The following MTPAP variants were observed in gnomAD, a reference collection of about 807,000 sequenced individuals.
The protein encoded by MTPAP is poly(A) RNA polymerase, mitochondrial.
MTPAP carries 23 observed loss-of-function variants against 48.7 expected under a neutral mutation model. The ratio of observed to expected loss-of-function variants is 0.47; its 90% CI spans 0.34 to 0.67. The LOEUF is 0.67. MTPAP is among the 30% of genes least tolerant of loss of function. MTPAP has a pLI of 0.01. For synonymous variants in MTPAP, 257 were observed against 254.1 expected, an observed-to-expected ratio of 1.01 and a Z score of -0.11; for missense variants, 614 against 694.3, an observed-to-expected ratio of 0.88 and a Z score of 1.30.
At chr10:30,338,922 G>A (rs908807494) in intron 3 of MTPAP, among the ~76,000 whole-genome samples, 3 of 151,980 alleles carry the variant, frequency 2.0e-5, no homozygotes, top group African/African-American at 7.2e-5. Context: ...AGGAGATCGA[G>A]ACCATCCTGG....
In MTPAP at chr10:30,310,101, A is replaced by G. The variant is rs1840573046; in HGVS notation, c.*3508T>C. 6.6e-5 allele frequency: 10 copies of G among 152,358 alleles called. No homozygotes were observed. In the South Asian group the frequency reaches 2.1e-3, roughly 32 times the overall value. 9.4% of individuals were successfully genotyped at this position (152,358 alleles called of 1,614,324 possible). On this transcript the variant is annotated 3_prime_UTR_variant, in exon 9 of 9. Coordinates refer to ENST00000263063, the MANE Select transcript of MTPAP (RefSeq NM_018109.4). ...CTAGTAATAGTTATAGAAGAAAAAA[A>G]CTTGAAAAAAGTTTTACTTAACATT...
At chr10:30,333,053 G>A (rs1031718566) in intron 4 of MTPAP, among the ~76,000 whole-genome samples, 5 of 151,906 alleles carry the variant, frequency 3.3e-5, no homozygotes, top group South Asian at 2.1e-4. Context: ...CCCGGGAGGC[G>A]GAGCTTGCAG....
chr10:30,323,375 C>A (rs1840748287), intron 5 of MTPAP, among the ~76,000 whole-genome samples: 1 of 147,498 alleles, frequency 6.8e-6, no homozygotes, highest in South Asian at 2.1e-4. Context: ...TCACTTGAAC[C>A]CGGGAGGCGG....
At chr10:30,315,812 T>C (rs770940877) in intron 8 of MTPAP, 151 bp downstream of exon 8, 2 of 884,060 alleles carry the variant, frequency 2.3e-6, no homozygotes, top group Non-Finnish European at 3.4e-6. Context: ...TCAAGTCATG[T>C]AACTTCTCTG....
chr10:30,313,241 C>A lies in MTPAP; in HGVS notation c.*368G>T. On this transcript the variant is annotated 3_prime_UTR_variant, in exon 9 of 9. Coordinates refer to ENST00000263063, the MANE Select transcript of MTPAP (RefSeq NM_018109.4). ...AAAGCACATTACAATAATCTTTCACCCATTCCTTGTGGCTTATGTTTATTT... is the reference window on the plus strand; with the variant it reads ...AAAGCACATTACAATAATCTTTCACACATTCCTTGTGGCTTATGTTTATTT... 8.2e-6 allele frequency: 2 copies of A among 244,458 alleles called. No individual in the cohort carries two copies. Among genetic ancestry groups the A allele is most frequent in the Non-Finnish European group, 1.6e-5 (2 of 124,390 alleles). The allele number at this position is 244,458 out of a possible 1,614,324, so 15.1% of individuals were successfully genotyped here. A position where few individuals can be genotyped will look rare whatever the true frequency, so the allele number is the denominator to read the frequency against.
Position 30,309,970 on chromosome 10 carries a change from C to T in MTPAP, c.*3639G>A, listed in dbSNP as rs141224668. 6.6e-6 allele frequency: 1 copy of T among 152,272 alleles called. No individual in the cohort carries two copies. Among genetic ancestry groups the T allele is most frequent in the East Asian group, 1.9e-4 (1 of 5,172 alleles). The allele number at this position is 152,272 out of a possible 1,614,324, so 9.4% of individuals were successfully genotyped here. On this transcript the variant is annotated 3_prime_UTR_variant, in exon 9 of 9. Transcript: ENST00000263063. ...ATGGATAATAGCTCCAGGAATTATACTAGTGGGCTATAGCTGAAATCGTTT... is the reference window on the plus strand; with the variant it reads ...ATGGATAATAGCTCCAGGAATTATATTAGTGGGCTATAGCTGAAATCGTTT...
Position 30,313,440 on chromosome 10 carries a change from T to C in MTPAP, c.*169A>G. ...CCACTGAGTATCAGACTGATCAAACTGAAAACATCCCAGAACTTCAGACCA... is the reference window on the plus strand; with the variant it reads ...CCACTGAGTATCAGACTGATCAAACCGAAAACATCCCAGAACTTCAGACCA... On this transcript the variant is annotated 3_prime_UTR_variant, in exon 9 of 9. Transcript: ENST00000263063. The C allele has an allele frequency of 2.1e-6, 2 of 939,806 alleles. No individual in the cohort carries two copies. The highest frequency in any genetic ancestry group is 3.3e-6 in the Non-Finnish European group (2 of 611,510). 58.2% of individuals were successfully genotyped at this position (939,806 alleles called of 1,614,324 possible). A position where few individuals can be genotyped will look rare whatever the true frequency, so the allele number is the denominator to read the frequency against.
At chr10:30,329,276 T>C (rs1222281105) in intron 4 of MTPAP, among the ~76,000 whole-genome samples, 1 of 151,672 alleles carries the variant, frequency 6.6e-6, no homozygotes, top group African/African-American at 2.4e-5. Context: ...CCACCCAGGC[T>C]GAAGTGCAGT....
chr10:30,346,494 T>C (rs1407201904), intron 1 of MTPAP, among the ~76,000 whole-genome samples: 1 of 152,122 alleles, frequency 6.6e-6, no homozygotes, highest in Non-Finnish European at 1.5e-5. Flanking sequence ...AAACATAATA[T>C]AGCACCTTCT....
intron 1 of MTPAP, among the ~76,000 whole-genome samples, chr10:30,342,200 C>T (rs1378601143): frequency 1.3e-5 from 2 of 152,136 alleles, no homozygotes; most frequent in African/African-American, 4.8e-5. Context: ...TGCACCACTG[C>T]ACTCCATCCT....
At chr10:30,344,914 G>A (rs985441514) in intron 1 of MTPAP, among the ~76,000 whole-genome samples, 1 of 151,988 alleles carries the variant, frequency 6.6e-6, no homozygotes, top group Admixed American at 6.6e-5. Flanking sequence ...ATGTTGGTCC[G>A]GCTGCTCTTG....
chr10:30,332,642 CT>C (rs1834682950), intron 4 of MTPAP, among the ~76,000 whole-genome samples: 1 of 151,986 alleles, frequency 6.6e-6, no homozygotes, highest in Non-Finnish European at 1.5e-5. Context: ...TTTAAAACAT[CT>C]TTTTCTAAAT....
At chr10:30,330,047 G>A (rs1222876511) in intron 4 of MTPAP, among the ~76,000 whole-genome samples, 1 of 151,952 alleles carries the variant, frequency 6.6e-6, no homozygotes, top group Non-Finnish European at 1.5e-5. Flanking sequence ...TATCTCTGGA[G>A]GCAGTGTGAC....
intron 4 of MTPAP, 109 bp from the exon 5 acceptor site, chr10:30,326,744 T>A: frequency 1.2e-6 from 1 of 840,254 alleles, no homozygotes; most frequent in Admixed American, 2.7e-5. Flanking sequence ...CAAAACAAAA[T>A]AAGAAAAAAA....
At chr10:30,327,568 G>A (rs1012206247) in intron 4 of MTPAP, among the ~76,000 whole-genome samples, 1 of 151,062 alleles carries the variant, frequency 6.6e-6, no homozygotes, top group Non-Finnish European at 1.5e-5. Flanking sequence ...TAAATTCCCT[G>A]AGCATGGTGG....
chr10:30,341,261 C>T (rs1834802785), intron 2 of MTPAP, among the ~76,000 whole-genome samples: 1 of 152,096 alleles, frequency 6.6e-6, no homozygotes, highest in African/African-American at 2.4e-5. Flanking sequence ...TGAAATCAGT[C>T]ATAAATGACT....
chr10:30,336,511 T>A (rs138261997), intron 4 of MTPAP, among the ~76,000 whole-genome samples: 3 of 152,244 alleles, frequency 2.0e-5, no homozygotes, highest in Non-Finnish European at 4.4e-5. Flanking sequence ...TTAAGATACA[T>A]AATTTGAATA....
chr10:30,327,490 C>G (rs1384828474), intron 4 of MTPAP, among the ~76,000 whole-genome samples: 1 of 143,606 alleles, frequency 7.0e-6, no homozygotes, highest in Admixed American at 7.4e-5. Flanking sequence ...CTGAGCGAGA[C>G]TCCATTTCAA....
rs779530343 is a variant in MTPAP, at chr10:30,313,860, C to T, written c.1498G>A (p.Asp500Asn). 6.2e-7 allele frequency: 1 copy of T among 1,614,170 alleles called. No homozygotes were observed. Among genetic ancestry groups the T allele is most frequent in the Non-Finnish European group, 8.5e-7 (1 of 1,180,034 alleles). Residue 500 changes from aspartate to asparagine, a missense_variant, in exon 9 of 9, where the codon GAT becomes AAT. Coordinates refer to ENST00000263063, the MANE Select transcript of MTPAP (RefSeq NM_018109.4). Reference sequence around the variant, plus strand: ...ATCCAGGCACTTTCTCGGGCCAAATCTACAAATTTTTGCAGCTGGCTTTGA... The same window carrying T: ...ATCCAGGCACTTTCTCGGGCCAAATTTACAAATTTTTGCAGCTGGCTTTGA... Reference protein sequence around the residue: ...VSQSQLQKFVDLARESAWILQ... With the variant: ...VSQSQLQKFVNLARESAWILQ...
Sources: gnomAD v4.1 joint callset for allele counts (sites outside exome capture counted in the v4.1 genomes callset) on GRCh38, gnomAD v4.1.1 for gene constraint, MANE v1.5 for transcripts, NCBI Gene and HGNC (gene_info 2026-07-23, HGNC 2026-07-21) for gene names.